The following CCDC150 variants were observed in gnomAD, a reference collection of about 807,000 sequenced individuals.
CCDC150 encodes the protein coiled-coil domain-containing protein 150.
In CCDC150, 151 loss-of-function variants were observed where a neutral mutation model predicts 156.5. The ratio of observed to expected loss-of-function variants is 0.97; its 90% CI spans 0.85 to 1.10. The LOEUF is 1.10. Among genes scored for constraint, CCDC150 ranks in the 50% least tolerant of loss-of-function variants. CCDC150 has a pLI of 0.00. For missense variants in CCDC150, 1,312 were observed against 1,268.1 expected (o/e 1.03, Z -0.53); for synonymous variants, 452 against 429.4 (o/e 1.05, Z -0.65).
At chr2:196,713,487 C>G (rs1021396129) in intron 17 of CCDC150, 1 of 1,550,652 alleles carries the variant, frequency 6.4e-7, no homozygotes, top group African/African-American at 1.4e-5. Flanking sequence ...ATTCCAAACT[C>G]TACACGCCGT....
chr2:196,651,902 G>C (rs1559214801), intron 2 of CCDC150, among the ~76,000 whole-genome samples: 2 of 152,194 alleles, frequency 1.3e-5, no homozygotes, highest in African/African-American at 4.8e-5. Flanking sequence ...AATCATGGTG[G>C]AAGGCAAAGG....
chr2:196,657,192 G>A (rs1693259314), intron 4 of CCDC150, 56 bp downstream of exon 4: 3 of 1,550,188 alleles, frequency 1.9e-6, no homozygotes, highest in Non-Finnish European at 2.7e-6. Context: ...AGCTGGAGGA[G>A]GTAACAGACC....
chr2:196,692,436 G>C (rs1329692172), intron 13 of CCDC150, among the ~76,000 whole-genome samples: 2 of 152,124 alleles, frequency 1.3e-5, no homozygotes, highest in Admixed American at 1.3e-4. Flanking sequence ...GCCCGGCCGA[G>C]ATCTAATTTT....
chr2:196,678,882 G>C (rs1694657248), intron 13 of CCDC150, among the ~76,000 whole-genome samples: 1 of 152,228 alleles, frequency 6.6e-6, no homozygotes, highest in Non-Finnish European at 1.5e-5. Flanking sequence ...CTGGGTGACA[G>C]AGTGAGACTC....
At chr2:196,701,870 A>G (rs549719611) in intron 15 of CCDC150, among the ~76,000 whole-genome samples, 1 of 152,268 alleles carries the variant, frequency 6.6e-6, no homozygotes, top group South Asian at 2.1e-4. Flanking sequence ...TTTGGATGGG[A>G]TGGTTGGTGT....
chr2:196,699,610 G>C (rs1696067182), intron 14 of CCDC150, among the ~76,000 whole-genome samples: 1 of 151,734 alleles, frequency 6.6e-6, no homozygotes, highest in African/African-American at 2.4e-5. Context: ...GCCTCGACCA[G>C]CTGGTTTCAA....
chr2:196,667,083 GC>G lies in CCDC150; in HGVS notation c.892+236del, dbSNP rs1693893685. ...ACTATTCCTTATTTGTTTTTTTCCA[GC>G]TTGTTTGTGGACCTGGGAATATTTG... is the stretch of plus-strand genomic sequence containing the variant. On this transcript the variant is annotated intron_variant, in intron 7 of 27. Transcript: ENST00000389175. 11 of 535,314 alleles carry G rather than the reference GC, an allele frequency of 2.1e-5. No individual in the cohort carries two copies. The South Asian group carries it at 2.9e-4, about 14-fold the overall frequency. The allele number at this position is 535,314 out of a possible 1,614,324, so 33.2% of individuals were successfully genotyped here.
intron 16 of CCDC150, 39 bp from the exon 17 acceptor site, chr2:196,712,638 A>G: frequency 6.6e-7 from 1 of 1,512,884 alleles, no homozygotes; most frequent in Non-Finnish European, 9.1e-7. Flanking sequence ...AAATTTTGGC[A>G]GTTGTGAGGA....
chr2:196,711,600 T>C (rs868672023), intron 15 of CCDC150, among the ~76,000 whole-genome samples: 1 of 151,916 alleles, frequency 6.6e-6, no homozygotes, highest in South Asian at 2.1e-4. Context: ...GAGAGACTTG[T>C]GAGTATCATC....
chr2:196,677,186 C>T lies in CCDC150; in HGVS notation c.1441-107C>T, dbSNP rs934623171. The T allele has an allele frequency of 2.9e-5, 22 of 769,120 alleles. No individual in the cohort carries two copies. In the African/African-American group the frequency reaches 3.3e-4, roughly 11 times the overall value. The allele number at this position is 769,120 out of a possible 1,614,324, so 47.6% of individuals were successfully genotyped here. A position where few individuals can be genotyped will look rare whatever the true frequency, so the allele number is the denominator to read the frequency against. ...CCTTTTCTGAGAGGATGTGCTATCT[C>T]TGCAGTGTAGGTATTAATTGACATG... On this transcript the variant is annotated intron_variant, in intron 12 of 27. Coordinates refer to ENST00000389175, the MANE Select transcript of CCDC150 (RefSeq NM_001080539.2).
At chr2:196,716,526 A>G (rs1697514007) in intron 17 of CCDC150, among the ~76,000 whole-genome samples, 1 of 152,224 alleles carries the variant, frequency 6.6e-6, no homozygotes. Flanking sequence ...ATTCCATATA[A>G]AATTCTAGAA....
intron 2 of CCDC150, among the ~76,000 whole-genome samples, chr2:196,648,309 A>C (rs979712644): frequency 6.6e-6 from 1 of 151,836 alleles, no homozygotes; most frequent in African/African-American, 2.4e-5. Context: ...GTTATCTTTC[A>C]TCTTTTTGAT....
intron 11 of CCDC150, 27 bp downstream of exon 11, chr2:196,676,294 T>G: frequency 6.2e-7 from 1 of 1,611,264 alleles, no homozygotes; most frequent in South Asian, 1.1e-5. Flanking sequence ...CAACTTCTTA[T>G]ACATCTTTTG....
At chr2:196,692,121 A>ATTTTTTTTTTTTTTTTTTTTTTTTTTTTT in intron 13 of CCDC150, among the ~76,000 whole-genome samples, 1 of 62,022 alleles carries the variant, frequency 1.6e-5, no homozygotes, top group Non-Finnish European at 2.9e-5. Context: ...TTGAGATCTA[A>ATTTTTTTTTTTTTTTTTTTTTTTTTTTTT]TTTTTTTTTT....
chr2:196,669,973 A>C, intron 8 of CCDC150, 97 bp downstream of exon 8: 2 of 734,094 alleles, frequency 2.7e-6, no homozygotes, highest in Non-Finnish European at 4.4e-6. Flanking sequence ...TCTTACTCTC[A>C]TCAAAGTTTT....
chr2:196,729,479 G>C (rs2577580), intron 23 of CCDC150, 92 bp downstream of exon 23: 932,892 of 1,205,776 alleles, frequency 0.77, 362,450 homozygotes, highest in East Asian at 0.97. Context: ...TAGAACCCTA[G>C]CAGCCCCATG....
chr2:196,665,549 TGCA>T lies in CCDC150; in HGVS notation c.646-16_646-14del, dbSNP rs2125596032. On this transcript the variant is annotated splice_polypyrimidine_tract_variant and intron_variant, in intron 5 of 27. Coordinates refer to ENST00000389175, the MANE Select transcript of CCDC150 (RefSeq NM_001080539.2). ...GTATGATCAATTGGTCTTGCCTAAC[TGCA>T]GTGTTGCTTTGTAGCTAAGGAGACA... 1 of 1,474,906 alleles carries T rather than the reference TGCA, an allele frequency of 6.8e-7. No individual in the cohort carries two copies. Among genetic ancestry groups the T allele is most frequent in the East Asian group, 2.3e-5 (1 of 43,020 alleles). The allele number at this position is 1,474,906 out of a possible 1,614,324, so 91.4% of individuals were successfully genotyped here.
At chr2:196,653,900 C>G (rs1693026593) in intron 2 of CCDC150, among the ~76,000 whole-genome samples, 2 of 152,272 alleles carry the variant, frequency 1.3e-5, no homozygotes, top group South Asian at 4.1e-4. Flanking sequence ...AAAAGCATGG[C>G]ACCAGCATCG....
chr2:196,653,401 A>C lies in CCDC150; in HGVS notation c.177-3232A>C, dbSNP rs180851954. 2.6e-4 allele frequency among the ~76,000 whole-genome samples: 40 copies of C among 152,214 alleles called. 1 individual carries two copies. The highest frequency in any genetic ancestry group is 3.3e-4 in the Admixed American group (5 of 15,278). On this transcript the variant is annotated intron_variant, in intron 2 of 27. Transcript: ENST00000389175. Reference sequence around the variant, plus strand: ...ACTGCTTACAGATTTCTTCTGCTGGATACCCTAGGACATCACTCTTAAATC... The same window carrying C: ...ACTGCTTACAGATTTCTTCTGCTGGCTACCCTAGGACATCACTCTTAAATC...
Sources: gnomAD v4.1 joint callset for allele counts (sites outside exome capture counted in the v4.1 genomes callset) on GRCh38, gnomAD v4.1.1 for gene constraint, MANE v1.5 for transcripts, NCBI Gene and HGNC (gene_info 2026-07-23, HGNC 2026-07-21) for gene names.